Variants in KATNAL1 observed in about 807,000 individuals in gnomAD.
KATNAL1 encodes the protein katanin catalytic subunit A1 like 1, also known as katanin p60 ATPase-containing subunit A-like 1.
Under a neutral mutation model 55.2 loss-of-function variants are expected in KATNAL1, and 32 were observed. That is an observed-to-expected ratio of 0.58 (90% CI 0.44 to 0.78). The LOEUF (loss-of-function observed/expected upper bound fraction) is 0.78. Ranked by LOEUF, KATNAL1 falls within the 30% of genes least tolerant of loss-of-function variation. The pLI is 0.00. For missense variants in KATNAL1, 466 were observed against 600.9 expected (o/e 0.78, Z 2.35); for synonymous variants, 193 against 193.6 (o/e 1.00, Z 0.02).
chr13:30,218,518 C>T (rs1356925419), intron 9 of KATNAL1, among the ~76,000 whole-genome samples: 1 of 152,116 alleles, frequency 6.6e-6, no homozygotes, highest in Non-Finnish European at 1.5e-5. Flanking sequence ...TCTCTCATCC[C>T]ACACCCATTT....
chr13:30,258,837 T>G (rs1878999495), intron 3 of KATNAL1, among the ~76,000 whole-genome samples: 1 of 152,198 alleles, frequency 6.6e-6, no homozygotes, highest in Admixed American at 6.5e-5. Flanking sequence ...CTACTAAATT[T>G]CAGTGGTGTC....
intron 3 of KATNAL1, among the ~76,000 whole-genome samples, chr13:30,271,878 G>GAAAAAAAA (rs71299873): frequency 1.3e-4 from 10 of 76,782 alleles, no homozygotes; most frequent in Admixed American, 1.5e-4. Flanking sequence ...AAGAAAAGAG[G>GAAAAAAAA]AAAAAAAAAA....
intron 4 of KATNAL1, among the ~76,000 whole-genome samples, chr13:30,252,103 T>C (rs1441561548): frequency 1.3e-5 from 2 of 152,202 alleles, no homozygotes; most frequent in African/African-American, 4.8e-5. Context: ...AACTCAGGTA[T>C]TACACATAGA....
rs542967306 is a variant in KATNAL1, at chr13:30,273,817, A to C, written c.323+6246T>G. 2.0e-4 allele frequency among the ~76,000 whole-genome samples: 31 copies of C among 152,318 alleles called. 1 individual carries two copies. Among genetic ancestry groups the C allele is most frequent in the Admixed American group, 1.8e-3 (28 of 15,302 alleles). The stretch of plus-strand genomic sequence containing the variant: ...ATTCTGAAATAACTACACGAATCCT[A>C]ATCTCTCTCAAAGTCTGGTTCTCAT... On this transcript the variant is annotated intron_variant, in intron 3 of 10. Transcript: ENST00000380615.
intron 1 of KATNAL1, among the ~76,000 whole-genome samples, chr13:30,286,483 C>T (rs1024489308): frequency 2.0e-5 from 3 of 152,190 alleles, no homozygotes; most frequent in Admixed American, 6.5e-5. Context: ...TGCAAGTGCA[C>T]AGGATGAGAA....
At chr13:30,307,204 A>C (rs998698036) in intron 1 of KATNAL1, 127 bp downstream of exon 1, 1 of 152,088 alleles carries the variant, frequency 6.6e-6, no homozygotes, top group Non-Finnish European at 1.5e-5. Context: ...CACGGGAGCC[A>C]GCGCCCGAGG....
intron 6 of KATNAL1, 110 bp downstream of exon 6, chr13:30,240,350 T>C (rs1877138011): frequency 1.4e-6 from 1 of 727,774 alleles, no homozygotes; most frequent in Non-Finnish European, 2.3e-6. Flanking sequence ...CATAAACTTC[T>C]CCCAACCTTT....
intron 4 of KATNAL1, among the ~76,000 whole-genome samples, chr13:30,250,380 TA>T (rs1266572279): frequency 1.3e-5 from 2 of 152,258 alleles, no homozygotes; most frequent in African/African-American, 4.8e-5. Flanking sequence ...AGCATGTTTT[TA>T]TTGTTTCATT....
intron 4 of KATNAL1, among the ~76,000 whole-genome samples, chr13:30,252,278 G>T (rs1375063541): frequency 6.6e-6 from 1 of 152,132 alleles, no homozygotes; most frequent in East Asian, 1.9e-4. Context: ...TTTGTAGAAA[G>T]CTTCAAAAAG....
Position 30,240,970 on chromosome 13 carries a change from A to G in KATNAL1, c.609T>C (p.Pro203=). 1.9e-6 allele frequency: 3 copies of G among 1,612,506 alleles called. No individual in the cohort carries two copies. The highest frequency in any genetic ancestry group is 2.5e-6 in the Non-Finnish European group (3 of 1,179,298). Reference sequence around the variant, plus strand: ...TGAAAGACTCTAACCAATGAATGCTAGGATTCCTGGATACAATGTCTCTTT... The same window carrying G: ...TGAAAGACTCTAACCAATGAATGCTGGGATTCCTGGATACAATGTCTCTTT... ...ALERDIVSRN[P]SIHWDDIADL... is the part of the protein sequence containing the mutation. Residue 203 remains proline (P), a synonymous_variant, in exon 5 of 11, where the codon CCT becomes CCC. Transcript: ENST00000380615.
chr13:30,214,670 G>GGAAAGGATTCCCTATTTAATAAATGGT (rs1874033254), intron 9 of KATNAL1, among the ~76,000 whole-genome samples: 2 of 152,082 alleles, frequency 1.3e-5, no homozygotes, highest in Non-Finnish European at 2.9e-5. Flanking sequence ...CAAGCAATGG[G>GGAAAGGATTCCCTATTTAATAAATGGT]GAAAGGATTC....
At chr13:30,244,920 CA>C (rs1423854767) in intron 4 of KATNAL1, among the ~76,000 whole-genome samples, 1 of 150,754 alleles carries the variant, frequency 6.6e-6, no homozygotes, top group Non-Finnish European at 1.5e-5. Flanking sequence ...GCCTACCAAC[CA>C]AAAAAAAGCC....
chr13:30,224,716 T>G (rs1034003580), intron 9 of KATNAL1, among the ~76,000 whole-genome samples: 2 of 152,046 alleles, frequency 1.3e-5, no homozygotes, highest in African/African-American at 4.8e-5. Context: ...TTGAAAAGAT[T>G]AACAATATTG....
At chr13:30,254,993 G>GA (rs894830320) in intron 4 of KATNAL1, among the ~76,000 whole-genome samples, 2 of 151,592 alleles carry the variant, frequency 1.3e-5, no homozygotes, top group Non-Finnish European at 2.9e-5. Context: ...TCAAGGAAAA[G>GA]AAAAAAAATC....
chr13:30,292,458 A>AT (rs1427750686), intron 1 of KATNAL1, among the ~76,000 whole-genome samples: 1 of 152,064 alleles, frequency 6.6e-6, no homozygotes, highest in Non-Finnish European at 1.5e-5. Flanking sequence ...AGTAGTCTGC[A>AT]TTACAGGAGA....
At chr13:30,297,629 C>T (rs1882600858) in intron 1 of KATNAL1, among the ~76,000 whole-genome samples, 1 of 152,130 alleles carries the variant, frequency 6.6e-6, no homozygotes, top group South Asian at 2.1e-4. Context: ...TATCCATCAA[C>T]AGTGGATTGG....
At position 30,231,445 on chromosome 13, in the gene KATNAL1, T is replaced by G. The variant is rs1273960054; in HGVS notation, c.754A>C (p.Thr252Pro). The G allele has an allele frequency of 6.3e-7, 1 of 1,582,484 alleles. No homozygotes were observed. The change falls in exon 7 of 11, where the codon ACT becomes CCT. Residue 252 changes from threonine (T) to proline (P), a missense_variant. Transcript: ENST00000380615. ...KGVLMVGPPG[T>P]GKTMLAKAVA... Reference sequence around the variant, plus strand: ...GCTTTAGCTAGCATAGTTTTACCAGTGCCTGGGGGTCCAACCATCAGTACA... The same window carrying G: ...GCTTTAGCTAGCATAGTTTTACCAGGGCCTGGGGGTCCAACCATCAGTACA...
chr13:30,252,496 C>T (rs901765236), intron 4 of KATNAL1, among the ~76,000 whole-genome samples: 1 of 152,128 alleles, frequency 6.6e-6, no homozygotes, highest in African/African-American at 2.4e-5. Context: ...AAAATTCTGA[C>T]CCAGGCACAA....
At chr13:30,232,924 T>C (rs1876252669) in intron 6 of KATNAL1, among the ~76,000 whole-genome samples, 1 of 152,118 alleles carries the variant, frequency 6.6e-6, no homozygotes, top group South Asian at 2.1e-4. Flanking sequence ...TAGATGCTGA[T>C]CTCTCACCAT....
Sources: allele counts gnomAD v4.1 joint callset (sites outside exome capture counted in the v4.1 genomes callset), GRCh38; gene constraint gnomAD v4.1.1; transcripts MANE v1.5; gene names NCBI Gene and HGNC (gene_info 2026-07-23, HGNC 2026-07-21).